NRDC: variants seen among roughly 807,000 people sequenced by gnomAD.
NRDC encodes the protein nardilysin convertase.
NRDC carries 54 observed loss-of-function variants against 147.1 expected under a neutral mutation model. The observed-to-expected ratio is 0.37, with a 90% confidence interval of 0.29 to 0.46. The LOEUF (loss-of-function observed/expected upper bound fraction) is 0.46, where lower values mean the gene tolerates loss of function less well. Among genes scored for constraint, NRDC ranks in the 20% least tolerant of loss-of-function variants. The pLI is 1.00. For missense variants in NRDC, 1,082 were observed against 1,370.6 expected (o/e 0.79, Z 3.33); for synonymous variants, 440 against 482.1 (o/e 0.91, Z 1.14).
At position 51,819,800 on chromosome 1, in the gene NRDC, C is replaced by T; in HGVS notation, c.1291G>A (p.Val431Ile). The T allele has an allele frequency of 6.2e-7, 1 of 1,600,996 alleles. No individual in the cohort carries two copies. Among genetic ancestry groups the T allele is most frequent in the Non-Finnish European group, 8.5e-7 (1 of 1,172,302 alleles). The change falls in exon 9 of 31, where the codon GTT becomes ATT. Residue 431 changes from valine (V) to isoleucine (I), a missense_variant and splice_region_variant. This residue lies in a region of NRDC where 635 missense variants were observed against 923.8 expected (regional missense o/e 0.69). Coordinates refer to ENST00000352171, the MANE Select transcript of NRDC (RefSeq NM_001101662.2). ...DTPAFNKLYR[V>I]VPIRKIHALT... is the part of the protein sequence containing the mutation. Reference sequence around the variant, plus strand: ...AGTTTTAAACTTTTGGTTCACAAACCTCTATAAAGTTTGTTAAATGCTGGT... The same window carrying T: ...AGTTTTAAACTTTTGGTTCACAAACTTCTATAAAGTTTGTTAAATGCTGGT...
Position 51,789,615 on chromosome 1 carries a change from A to G in NRDC, c.3211T>C (p.Trp1071Arg). The part of the protein sequence containing the change: ...KSFSKSDLVN[W>R]FKAHRGPGSK... ...CCTGGCCCTCTATGGGCCTTGAACC[A>G]GTTGACCAGGTCTGATTTTGAGAAT... is the stretch of plus-strand genomic sequence containing the variant. Residue 1071 changes from tryptophan (W) to arginine (R), a missense_variant, in exon 30 of 31, where the codon TGG (tryptophan) becomes CGG (arginine). Physicochemically the swap from Trp to Arg is moderately radical, Grantham distance 101. Transcript: ENST00000352171. 1 of 1,614,010 alleles carries G rather than the reference A, an allele frequency of 6.2e-7. No individual in the cohort carries two copies. The highest frequency in any genetic ancestry group is 8.5e-7 in the Non-Finnish European group (1 of 1,179,858).
Position 51,792,373 on chromosome 1 carries a change from T to G in NRDC, c.2823+4A>C. On this transcript the variant is annotated splice_donor_region_variant and intron_variant, in intron 25 of 30. Coordinates refer to ENST00000352171, the MANE Select transcript of NRDC (RefSeq NM_001101662.2). ...AAACCTCAGCATCTCCTTTATGCAC[T>G]TACCACAAGCAGCTCCATAAGCGTA... 3.7e-6 allele frequency: 6 copies of G among 1,614,050 alleles called. No homozygotes were observed. Among genetic ancestry groups the G allele is most frequent in the Non-Finnish European group, 4.2e-6 (5 of 1,179,940 alleles).
chr1:51,810,468 A>G, intron 15 of NRDC, 64 bp from the exon 16 acceptor site: 1 of 1,465,438 alleles, frequency 6.8e-7, no homozygotes. Flanking sequence ...CTCTGTTAAA[A>G]AGGCAAAAAT....
chr1:51,834,710 AAAGAT>A (rs541445719), intron 3 of NRDC, among the ~76,000 whole-genome samples: 8 of 152,206 alleles, frequency 5.3e-5, no homozygotes, highest in Non-Finnish European at 8.8e-5. Context: ...ATCTTTAAAG[AAAGAT>A]AAGACGAACA....
At chr1:51,860,006 A>C (rs546534100) in intron 1 of NRDC, 35 of 205,804 alleles carry the variant, frequency 1.7e-4, no homozygotes, top group East Asian at 1.4e-3. Context: ...TCTTGAAAGC[A>C]TCTTGAAAAT....
chr1:51,811,259 T>C (rs1185294953), intron 15 of NRDC, among the ~76,000 whole-genome samples: 1 of 152,244 alleles, frequency 6.6e-6, no homozygotes, highest in Non-Finnish European at 1.5e-5. Context: ...GAATGCCCTA[T>C]AATTTCTTAA....
intron 27 of NRDC, 29 bp from the exon 28 acceptor site, chr1:51,791,019 AAAAC>A (rs1176364237): frequency 6.8e-7 from 1 of 1,479,168 alleles, no homozygotes; most frequent in Non-Finnish European, 9.4e-7. Flanking sequence ...AATCAGAACT[AAAAC>A]AAAACATCTT....
At chr1:51,807,624 T>C (rs1679528612) in intron 17 of NRDC, among the ~76,000 whole-genome samples, 2 of 152,052 alleles carry the variant, frequency 1.3e-5, no homozygotes, top group African/African-American at 4.8e-5. Flanking sequence ...GGAGGACTGC[T>C]TGAGTTCAGC....
intron 14 of NRDC, among the ~76,000 whole-genome samples, chr1:51,813,456 C>T (rs1265441681): frequency 1.3e-5 from 2 of 152,130 alleles, no homozygotes; most frequent in Non-Finnish European, 2.9e-5. Flanking sequence ...GACATCAGAA[C>T]TCTGACCTCA....
intron 4 of NRDC, among the ~76,000 whole-genome samples, chr1:51,833,697 T>C (rs986860955): frequency 2.0e-4 from 30 of 151,902 alleles, no homozygotes; most frequent in African/African-American, 7.0e-4. Flanking sequence ...CAGCCTCGAA[T>C]TCCTGGACCC....
intron 4 of NRDC, among the ~76,000 whole-genome samples, chr1:51,833,738 G>A (rs3001780): frequency 0.99 from 150,650 of 152,206 alleles, 74,576 homozygotes; most frequent in Middle Eastern, 1. Flanking sequence ...CCTCCTGAGT[G>A]CCAAGGACTA....
chr1:51,831,876 C>T (rs768422226), intron 4 of NRDC, among the ~76,000 whole-genome samples: 30 of 150,240 alleles, frequency 2.0e-4, no homozygotes, highest in Admixed American at 4.6e-4. Context: ...TGCAGTCAGC[C>T]GAGATCACAT....
intron 1 of NRDC, among the ~76,000 whole-genome samples, chr1:51,855,522 CT>C (rs1215136746): frequency 5.3e-5 from 8 of 151,828 alleles, no homozygotes; most frequent in Admixed American, 4.6e-4. Flanking sequence ...TCACTGTATA[CT>C]AATTTTAAGT....
chr1:51,807,195 C>T (rs1307272803), intron 17 of NRDC, among the ~76,000 whole-genome samples: 2 of 152,160 alleles, frequency 1.3e-5, no homozygotes, highest in Non-Finnish European at 2.9e-5. Flanking sequence ...GAGAGAGGAG[C>T]CTTTAGTCAG....
At chr1:51,848,968 T>C (rs1410328278) in intron 1 of NRDC, among the ~76,000 whole-genome samples, 1 of 152,176 alleles carries the variant, frequency 6.6e-6, no homozygotes, top group African/African-American at 2.4e-5. Flanking sequence ...AGGAAAACTT[T>C]ACAGGTGAAA....
In NRDC at chr1:51,794,460, C is replaced by T. The variant is rs183392158; in HGVS notation, c.2775+12G>A. 30 of 1,613,512 alleles carry T rather than the reference C, an allele frequency of 1.9e-5. No homozygotes were observed. Among genetic ancestry groups the T allele is most frequent in the African/African-American group, 9.3e-5 (7 of 75,032 alleles). On this transcript the variant is annotated intron_variant, in intron 24 of 30. Coordinates refer to ENST00000352171, the MANE Select transcript of NRDC (RefSeq NM_001101662.2). ...CTGGGCCTTCCGCCAGTCTTTAGTA[C>T]ACCCAACTGACCTGGTAGTACACAG...
At chr1:51,846,974 G>A (rs1681658558) in intron 1 of NRDC, among the ~76,000 whole-genome samples, 1 of 149,852 alleles carries the variant, frequency 6.7e-6, no homozygotes, top group African/African-American at 2.4e-5. Flanking sequence ...TACAAACCCT[G>A]AGCTAGACAC....
At chr1:51,815,431 T>TG (rs1679923733) in intron 11 of NRDC, among the ~76,000 whole-genome samples, 1 of 152,160 alleles carries the variant, frequency 6.6e-6, no homozygotes, top group African/African-American at 2.4e-5. Context: ...CTACATAGGT[T>TG]GTCTAAGAAA....
intron 4 of NRDC, among the ~76,000 whole-genome samples, chr1:51,829,965 C>CTTTTTT (rs941972546): frequency 3.0e-5 from 4 of 131,274 alleles, no homozygotes; most frequent in African/African-American, 1.2e-4. Flanking sequence ...TCTTTTATTT[C>CTTTTTT]TTTTTTTTTT....
Sources: allele counts gnomAD v4.1 joint callset (sites outside exome capture counted in the v4.1 genomes callset), GRCh38; gene constraint gnomAD v4.1.1; regional missense constraint gnomAD v4.1.1; transcripts MANE v1.5; gene names NCBI Gene and HGNC (gene_info 2026-07-23, HGNC 2026-07-21).